CNTNAP2: variants seen among roughly 807,000 people sequenced by gnomAD.
CNTNAP2 encodes contactin associated protein 2, also known as contactin-associated protein-like 2.
A neutral mutation model predicts 155.2 loss-of-function variants in CNTNAP2; 98 were observed. That is an observed-to-expected ratio of 0.63 (90% CI 0.54 to 0.75). The LOEUF is 0.75. CNTNAP2 is among the 30% of genes least tolerant of loss of function. CNTNAP2 has a pLI of 0.00. For synonymous variants in CNTNAP2, 651 were observed against 631.2 expected (o/e 1.03, Z -0.47); for missense variants, 1,727 against 1,688.1 (o/e 1.02, Z -0.40).
chr7:146,641,620 G>T (rs1799709660), intron 1 of CNTNAP2, among the ~76,000 whole-genome samples: 1 of 152,262 alleles, frequency 6.6e-6, no homozygotes, highest in Non-Finnish European at 1.5e-5. Flanking sequence ...GTGGGGTAAT[G>T]GAAGGCAGGT....
At chr7:146,333,778 A>G (rs73740441) in intron 1 of CNTNAP2, among the ~76,000 whole-genome samples, 10,666 of 152,276 alleles carry the variant, frequency 0.07, 1,062 homozygotes, top group African/African-American at 0.22. Flanking sequence ...AATAATTCAA[A>G]GACTCTAGCT....
At chr7:147,874,546 G>A (rs1386863237) in intron 13 of CNTNAP2, among the ~76,000 whole-genome samples, 1 of 152,278 alleles carries the variant, frequency 6.6e-6, no homozygotes, top group Non-Finnish European at 1.5e-5. Context: ...CAGCAGGGGG[G>A]CCCTGGGCCC....
intron 1 of CNTNAP2, among the ~76,000 whole-genome samples, chr7:146,540,877 T>C (rs917892454): frequency 1.1e-4 from 16 of 152,080 alleles, no homozygotes; most frequent in African/African-American, 3.9e-4. Flanking sequence ...CATATCCTAT[T>C]GGTGAATAAT....
At chr7:146,161,168 T>C (rs1798215571) in intron 1 of CNTNAP2, among the ~76,000 whole-genome samples, 1 of 152,150 alleles carries the variant, frequency 6.6e-6, no homozygotes, top group Non-Finnish European at 1.5e-5. Flanking sequence ...TGCTAAAAAC[T>C]CTCAATAAAC....
At chr7:147,697,646 C>T (rs1446843783) in intron 13 of CNTNAP2, among the ~76,000 whole-genome samples, 1 of 152,130 alleles carries the variant, frequency 6.6e-6, no homozygotes, top group Non-Finnish European at 1.5e-5. Context: ...ATGGACTTCA[C>T]AAGTTTCCGC....
intron 9 of CNTNAP2, among the ~76,000 whole-genome samples, chr7:147,381,220 T>C (rs1796529037): frequency 6.6e-6 from 1 of 152,124 alleles, no homozygotes; most frequent in African/African-American, 2.4e-5. Flanking sequence ...AATTCCTGCC[T>C]TACAAATGAA....
intron 1 of CNTNAP2, among the ~76,000 whole-genome samples, chr7:146,692,911 C>T (rs1800721237): frequency 6.6e-6 from 1 of 152,044 alleles, no homozygotes; most frequent in Non-Finnish European, 1.5e-5. Flanking sequence ...GTTCGTCAGC[C>T]ACCATGGTAT....
chr7:147,116,221 G>C (rs1456187669), intron 5 of CNTNAP2, among the ~76,000 whole-genome samples: 2 of 152,190 alleles, frequency 1.3e-5, no homozygotes, highest in Admixed American at 6.5e-5. Flanking sequence ...AGGGATAACT[G>C]ACCTATTGCT....
intron 13 of CNTNAP2, among the ~76,000 whole-genome samples, chr7:147,837,435 T>G (rs1171022125): frequency 1.3e-5 from 2 of 152,048 alleles, no homozygotes; most frequent in East Asian, 1.9e-4. Context: ...AAGTTGAGAT[T>G]TGGGTGGGGA....
chr7:148,137,711 A>AGGAAGGAAGGAAGGAAG (rs1211533919), intron 16 of CNTNAP2, among the ~76,000 whole-genome samples: 1 of 150,780 alleles, frequency 6.6e-6, no homozygotes, highest in African/African-American at 2.5e-5. Flanking sequence ...GAAGGAAGGA[A>AGGAAGGAAGGAAGGAAG]GGAAGGAAGG....
intron 15 of CNTNAP2, among the ~76,000 whole-genome samples, chr7:148,027,203 CT>C (rs1387137209): frequency 1.3e-5 from 2 of 152,166 alleles, no homozygotes; most frequent in Non-Finnish European, 2.9e-5. Context: ...TAAATAAGTA[CT>C]TCTCTCTGAA....
At chr7:148,187,817 A>T (rs1324190240) in intron 18 of CNTNAP2, among the ~76,000 whole-genome samples, 1 of 152,226 alleles carries the variant, frequency 6.6e-6, no homozygotes, top group Non-Finnish European at 1.5e-5. Flanking sequence ...TCCTCTAGGC[A>T]TGAGTAAAGG....
chr7:147,414,881 G>A (rs1797163869), intron 10 of CNTNAP2, among the ~76,000 whole-genome samples: 1 of 140,666 alleles, frequency 7.1e-6, no homozygotes. Context: ...GGTGGAGCCT[G>A]CAGTGAGCCG....
intron 2 of CNTNAP2, among the ~76,000 whole-genome samples, chr7:146,818,331 C>T (rs1057192652): frequency 2.0e-5 from 3 of 152,088 alleles, no homozygotes; most frequent in South Asian, 4.2e-4. Context: ...TAATTTTTAA[C>T]GGGATTCAAT....
At chr7:147,559,726 C>A (rs1282610739) in intron 11 of CNTNAP2, among the ~76,000 whole-genome samples, 1 of 152,086 alleles carries the variant, frequency 6.6e-6, no homozygotes, top group Non-Finnish European at 1.5e-5. Flanking sequence ...GCTATACATA[C>A]CAATTTTAAT....
At chr7:146,961,334 T>C (rs1797555187) in intron 3 of CNTNAP2, among the ~76,000 whole-genome samples, 1 of 152,172 alleles carries the variant, frequency 6.6e-6, no homozygotes, top group Non-Finnish European at 1.5e-5. Flanking sequence ...AGCCCACATG[T>C]AGGGACCTAA....
chr7:148,225,354 C>A (rs1167584256), intron 19 of CNTNAP2, among the ~76,000 whole-genome samples: 1 of 152,074 alleles, frequency 6.6e-6, no homozygotes, highest in Non-Finnish European at 1.5e-5. Context: ...GAGCAAAGAC[C>A]TGAAGGAGTG....
intron 5 of CNTNAP2, among the ~76,000 whole-genome samples, chr7:147,116,929 G>T (rs1211391283): frequency 6.6e-6 from 1 of 152,204 alleles, no homozygotes; most frequent in Non-Finnish European, 1.5e-5. Flanking sequence ...CCCACAGGCT[G>T]CAAAGGCCCA....
intron 9 of CNTNAP2, among the ~76,000 whole-genome samples, chr7:147,372,430 G>A (rs746365725): frequency 1.3e-4 from 20 of 152,026 alleles, no homozygotes; most frequent in South Asian, 4.1e-4. Flanking sequence ...TTTCTTGTGT[G>A]TGGCTCCTAT....
Sources: gnomAD v4.1 joint callset for allele counts (sites outside exome capture counted in the v4.1 genomes callset) on GRCh38, gnomAD v4.1.1 for gene constraint, MANE v1.5 for transcripts, NCBI Gene and HGNC (gene_info 2026-07-23, HGNC 2026-07-21) for gene names.